The following MYO3A variants were observed in gnomAD, a reference collection of about 807,000 sequenced individuals.
MYO3A encodes myosin-IIIa.
Under a neutral mutation model 192.7 loss-of-function variants are expected in MYO3A, and 180 were observed. That is an observed-to-expected ratio of 0.93 (90% CI 0.83 to 1.06). The LOEUF is 1.06. Ranked by LOEUF, MYO3A falls within the 50% of genes least tolerant of loss-of-function variation. The pLI is 0.00. For missense variants in MYO3A, 1,896 were observed against 1,905.0 expected (o/e 1.00, Z 0.09); for synonymous variants, 628 against 645.3 (o/e 0.97, Z 0.41).
intron 19 of MYO3A, among the ~76,000 whole-genome samples, chr10:26,127,645 T>G (rs1839293773): frequency 6.6e-6 from 1 of 151,992 alleles, no homozygotes; most frequent in Non-Finnish European, 1.5e-5. Context: ...CTGGAACACC[T>G]AAATGATGAA....
chr10:26,151,304 C>A (rs1434091078), intron 23 of MYO3A, among the ~76,000 whole-genome samples: 1 of 151,840 alleles, frequency 6.6e-6, no homozygotes, highest in African/African-American at 2.4e-5. Flanking sequence ...GTCAATTTGT[C>A]TCTCTTTTTT....
At chr10:26,092,631 G>T (rs1836771783) in intron 15 of MYO3A, among the ~76,000 whole-genome samples, 1 of 152,178 alleles carries the variant, frequency 6.6e-6, no homozygotes, top group Admixed American at 6.5e-5. Context: ...AAGCTTCAGG[G>T]TGCAAAGCAG....
chr10:26,034,251 A>G (rs1363683212), intron 10 of MYO3A, among the ~76,000 whole-genome samples: 1 of 152,174 alleles, frequency 6.6e-6, no homozygotes, highest in Non-Finnish European at 1.5e-5. Context: ...ACTTTGTTTA[A>G]TGATCATCTA....
chr10:25,995,762 G>A (rs1160022348), intron 4 of MYO3A, among the ~76,000 whole-genome samples: 1 of 152,200 alleles, frequency 6.6e-6, no homozygotes, highest in African/African-American at 2.4e-5. Flanking sequence ...GTTTGCTGGA[G>A]GTCCACTCCA....
At chr10:26,058,297 G>A (rs554949092) in intron 10 of MYO3A, among the ~76,000 whole-genome samples, 3 of 151,930 alleles carry the variant, frequency 2.0e-5, no homozygotes, top group Admixed American at 1.3e-4. Flanking sequence ...TTTCTTCCAT[G>A]TTTTTTTCAT....
intron 6 of MYO3A, among the ~76,000 whole-genome samples, chr10:26,012,116 G>A (rs1047932667): frequency 9.9e-5 from 15 of 151,916 alleles, no homozygotes; most frequent in South Asian, 2.1e-4. Context: ...AATAAAAACC[G>A]TCTATGACAA....
chr10:25,954,637 A>G (rs142913147), intron 3 of MYO3A, among the ~76,000 whole-genome samples: 269 of 152,248 alleles, frequency 1.8e-3, no homozygotes, highest in African/African-American at 6.4e-3. Context: ...CATTTTATTT[A>G]TCCATTTTAA....
chr10:25,969,229 T>C (rs1253662590), intron 4 of MYO3A, among the ~76,000 whole-genome samples: 3 of 152,162 alleles, frequency 2.0e-5, no homozygotes, highest in Non-Finnish European at 4.4e-5. Context: ...AGAGCAAGAC[T>C]CCATCTCTAA....
At position 26,191,238 on chromosome 10, in the gene MYO3A, T is replaced by A. The variant is rs1186845121; in HGVS notation, c.4439-1967T>A. Among the ~76,000 whole-genome samples, 7 of 152,224 alleles carry A rather than the reference T, an allele frequency of 4.6e-5. 1 individual carries two copies. ...ATAGAAGCTATTTAATAATCAGCAC[T>A]GGGAGAGAGGATAATGAGAAGGAAA... On this transcript the variant is annotated intron_variant, in intron 31 of 34. Transcript: ENST00000642920.
chr10:26,010,467 T>G (rs866047186), intron 6 of MYO3A, among the ~76,000 whole-genome samples: 6,701 of 142,814 alleles, frequency 0.047, 112 homozygotes, highest in Non-Finnish European at 0.062. Flanking sequence ...TTTTTTTTTT[T>G]TTTTGTTTTG....
In MYO3A at chr10:26,157,361, G is replaced by A; in HGVS notation, c.2845G>A (p.Val949Ile). ...AATGGTGGTGGGCCAACCTCATTTT[G>A]TCCGTTGCATCAAACCAAATAGTGA... ...SKMVVGQPHF[V>I]RCIKPNSERQ... is the part of the protein sequence containing the mutation. Residue 949 changes from valine (V) to isoleucine (I), a missense_variant, in exon 26 of 35, where the codon GTC (valine) becomes ATC (isoleucine). Coordinates refer to ENST00000642920, the MANE Select transcript of MYO3A (RefSeq NM_017433.5). The A allele has an allele frequency of 6.2e-7, 1 of 1,614,094 alleles. No individual in the cohort carries two copies. The highest frequency in any genetic ancestry group is 8.5e-7 in the Non-Finnish European group (1 of 1,180,004).
In MYO3A at chr10:25,997,328, C is replaced by T. The variant is rs555342858; in HGVS notation, c.508+70C>T. The stretch of plus-strand genomic sequence containing the variant: ...TAGTATGATATGATTTGATCTTTTT[C>T]GAATGGCCTTCCTTTCTAGGTATTG... On this transcript the variant is annotated intron_variant, in intron 6 of 34. Coordinates refer to ENST00000642920, the MANE Select transcript of MYO3A (RefSeq NM_017433.5). 146 of 1,179,170 alleles carry T rather than the reference C, an allele frequency of 1.2e-4. No individual in the cohort carries two copies. In the African/African-American group the frequency reaches 1.8e-3, roughly 14 times the overall value. 73.0% of individuals were successfully genotyped at this position (1,179,170 alleles called of 1,614,324 possible).
chr10:26,032,761 C>T (rs1842859965), intron 10 of MYO3A, among the ~76,000 whole-genome samples: 1 of 151,738 alleles, frequency 6.6e-6, no homozygotes, highest in South Asian at 2.1e-4. Context: ...AAAGAGAAAA[C>T]AAAAAAATAG....
At chr10:26,015,363 G>A (rs1168820628) in intron 6 of MYO3A, among the ~76,000 whole-genome samples, 1 of 152,020 alleles carries the variant, frequency 6.6e-6, no homozygotes, top group African/African-American at 2.4e-5. Context: ...TAGACAAGAT[G>A]ATTTTCCTAA....
chr10:26,095,589 C>T (rs974672515), intron 15 of MYO3A, among the ~76,000 whole-genome samples: 2 of 152,124 alleles, frequency 1.3e-5, no homozygotes, highest in Admixed American at 6.5e-5. Flanking sequence ...CTGGAGCCCA[C>T]TACAGCAGAA....
intron 10 of MYO3A, among the ~76,000 whole-genome samples, chr10:26,032,637 A>G (rs562513066): frequency 1.3e-5 from 2 of 152,170 alleles, no homozygotes; most frequent in Admixed American, 6.5e-5. Flanking sequence ...AAACAAAAAA[A>G]AAACCAACAA....
At chr10:25,986,477 C>T (rs2130828226) in intron 4 of MYO3A, among the ~76,000 whole-genome samples, 1 of 152,282 alleles carries the variant, frequency 6.6e-6, no homozygotes, top group Non-Finnish European at 1.5e-5. Flanking sequence ...ATCCGAAAAG[C>T]TCCTAGAACT....
At chr10:26,089,047 T>C (rs1836520328) in intron 15 of MYO3A, among the ~76,000 whole-genome samples, 1 of 152,216 alleles carries the variant, frequency 6.6e-6, no homozygotes, top group African/African-American at 2.4e-5. Flanking sequence ...GTGGTTACAT[T>C]ATTTTGCTTA....
intron 10 of MYO3A, among the ~76,000 whole-genome samples, chr10:26,037,216 A>G (rs761427399): frequency 2.6e-4 from 40 of 152,234 alleles, no homozygotes; most frequent in Non-Finnish European, 4.6e-4. Flanking sequence ...AGTTACATGC[A>G]TCTGTATTTT....
Sources: gnomAD v4.1 joint callset for allele counts (sites outside exome capture counted in the v4.1 genomes callset) on GRCh38, gnomAD v4.1.1 for gene constraint, MANE v1.5 for transcripts, NCBI Gene and HGNC (gene_info 2026-07-23, HGNC 2026-07-21) for gene names.